MTMR2: variants seen among roughly 807,000 people sequenced by gnomAD.
The protein encoded by MTMR2 is phosphatidylinositol-3,5-bisphosphate 3-phosphatase MTMR2.
MTMR2 carries 55 observed loss-of-function variants against 86.9 expected under a neutral mutation model. The ratio of observed to expected loss-of-function variants is 0.63; its 90% confidence interval spans 0.51 to 0.79. MTMR2 has a LOEUF of 0.79. Ranked by LOEUF, MTMR2 falls within the 30% of genes least tolerant of loss-of-function variation. The probability of loss-of-function intolerance (pLI) is 0.00; values close to 1 mark genes in which losing one functional copy is unlikely to be tolerated. For synonymous variants in MTMR2, 241 were observed against 266.8 expected (o/e 0.90, Z 0.94); for missense variants, 659 against 772.3 (o/e 0.85, Z 1.74).
At chr11:95,841,850 C>G in intron 11 of MTMR2, 141 bp from the exon 12 acceptor site, 1 of 701,836 alleles carries the variant, frequency 1.4e-6, no homozygotes, top group South Asian at 1.5e-5. Context: ...AATCCCAACA[C>G]TTTGGGAGGC....
chr11:95,906,180 G>A (rs1437176844), intron 1 of MTMR2, among the ~76,000 whole-genome samples: 1 of 152,176 alleles, frequency 6.6e-6, no homozygotes, highest in Admixed American at 6.5e-5. Flanking sequence ...AGCCGAGATA[G>A]TGCCATTACA....
intron 7 of MTMR2, among the ~76,000 whole-genome samples, chr11:95,853,552 C>G (rs556942094): frequency 2.0e-3 from 303 of 152,292 alleles, no homozygotes; most frequent in African/African-American, 6.8e-3. Context: ...CCAGATCTCT[C>G]CCTTGCCACT....
chr11:95,865,751 A>C, intron 2 of MTMR2, 75 bp from the exon 3 acceptor site: 1 of 1,203,018 alleles, frequency 8.3e-7, no homozygotes, highest in Non-Finnish European at 1.2e-6. Context: ...TCAACTGAGT[A>C]TACTTGCTCT....
At chr11:95,880,939 C>G (rs1052622485) in intron 2 of MTMR2, among the ~76,000 whole-genome samples, 5 of 152,018 alleles carry the variant, frequency 3.3e-5, no homozygotes, top group African/African-American at 4.8e-5. Flanking sequence ...TAAATTTTAG[C>G]ACAATCAAAA....
At chr11:95,875,169 T>G (rs1865057110) in intron 2 of MTMR2, among the ~76,000 whole-genome samples, 1 of 152,230 alleles carries the variant, frequency 6.6e-6, no homozygotes. Flanking sequence ...GAAGTTCTCC[T>G]GGATAATATC....
intron 1 of MTMR2, among the ~76,000 whole-genome samples, chr11:95,899,280 A>G (rs1034784828): frequency 2.0e-5 from 3 of 152,286 alleles, no homozygotes; most frequent in East Asian, 3.9e-4. Context: ...GGGAGAAGGA[A>G]GACTCAAAAT....
At chr11:95,858,382 CT>C (rs1773510568) in intron 6 of MTMR2, 148 bp downstream of exon 6, 1 of 646,572 alleles carries the variant, frequency 1.5e-6, no homozygotes, top group African/African-American at 1.8e-5. Flanking sequence ...AGAAATTGAT[CT>C]AAGAGACTAA....
chr11:95,836,948 A>T (rs963190201), intron 13 of MTMR2, among the ~76,000 whole-genome samples: 11 of 151,986 alleles, frequency 7.2e-5, no homozygotes, highest in African/African-American at 2.4e-4. Context: ...TATACTAAAA[A>T]CCAGTCAACT....
At chr11:95,860,617 TTGGCAC>T (rs1472182310) in intron 5 of MTMR2, among the ~76,000 whole-genome samples, 2 of 152,234 alleles carry the variant, frequency 1.3e-5, no homozygotes, top group Non-Finnish European at 2.9e-5. Flanking sequence ...GCTGTTTCTT[TTGGCAC>T]TGGCAGAATA....
chr11:95,835,972 C>A (rs1863254155), intron 14 of MTMR2, among the ~76,000 whole-genome samples, 176 bp downstream of exon 14: 1 of 151,964 alleles, frequency 6.6e-6, no homozygotes, highest in African/African-American at 2.4e-5. Flanking sequence ...TCCTAAGAAC[C>A]AGGTATACTG....
Position 95,923,869 on chromosome 11 carries a change from G to C in MTMR2, c.80+6C>G. 2.0e-6 allele frequency: 3 copies of C among 1,535,864 alleles called. No individual in the cohort carries two copies. Among genetic ancestry groups the C allele is most frequent in the Non-Finnish European group, 2.6e-6 (3 of 1,135,510 alleles). ...CGCTGGGCGGGGCCCTGGGCGTCCT[G>C]GTTACCTGGACAAGGAGTCCACGCT... On this transcript the variant is annotated splice_donor_region_variant and intron_variant, in intron 1 of 14. Transcript: ENST00000346299.
At chr11:95,871,234 A>G (rs1190427429) in intron 2 of MTMR2, among the ~76,000 whole-genome samples, 1 of 152,140 alleles carries the variant, frequency 6.6e-6, no homozygotes, top group Admixed American at 6.6e-5. Context: ...GTGATTTATA[A>G]TCCCTTGGGT....
rs1864587925 is a variant in MTMR2 at position 95,865,679 on chromosome 11, G to A, written c.187-3C>T. ...AACTTGTTAGACTCCCTCAGGACCTGGGGTGGGAAAGACAAAAAAAGAAAC... is the reference window on the plus strand; with the variant it reads ...AACTTGTTAGACTCCCTCAGGACCTAGGGTGGGAAAGACAAAAAAAGAAAC... On this transcript the variant is annotated splice_polypyrimidine_tract_variant and splice_region_variant and intron_variant, in intron 2 of 14. Coordinates refer to ENST00000346299, the MANE Select transcript of MTMR2 (RefSeq NM_016156.6). 6.3e-7 allele frequency: 1 copy of A among 1,591,408 alleles called. No individual in the cohort carries two copies. The highest frequency in any genetic ancestry group is 1.7e-5 in the Admixed American group (1 of 59,794).
intron 1 of MTMR2, among the ~76,000 whole-genome samples, chr11:95,891,293 A>C (rs1405395396): frequency 6.6e-6 from 1 of 152,162 alleles, no homozygotes; most frequent in Non-Finnish European, 1.5e-5. Flanking sequence ...TCTACTAAAA[A>C]TACAAAAATT....
chr11:95,848,035 C>A, intron 9 of MTMR2, 136 bp from the exon 10 acceptor site: 2 of 811,314 alleles, frequency 2.5e-6, no homozygotes, highest in Non-Finnish European at 4.1e-6. Flanking sequence ...ATGTGGATGG[C>A]TCAGGACAAC....
At chr11:95,835,577 CAG>C in intron 14 of MTMR2, 126 bp from the exon 15 acceptor site, 1 of 934,976 alleles carries the variant, frequency 1.1e-6, no homozygotes, top group Non-Finnish European at 1.7e-6. Context: ...TCCAACCCAT[CAG>C]TGAAATTAAA....
At chr11:95,877,208 C>T (rs1423847015) in intron 2 of MTMR2, among the ~76,000 whole-genome samples, 5 of 152,122 alleles carry the variant, frequency 3.3e-5, no homozygotes, top group Non-Finnish European at 7.4e-5. Flanking sequence ...TGACAAGCCA[C>T]GAAGTGGCCA....
intron 14 of MTMR2, 141 bp downstream of exon 14, chr11:95,836,007 T>C: frequency 2.3e-6 from 2 of 871,878 alleles, no homozygotes; most frequent in Admixed American, 1.7e-5. Context: ...GTGTAGTATT[T>C]TTCTACTATA....
At chr11:95,849,533 C>T in intron 9 of MTMR2, 141 bp downstream of exon 9, 1 of 769,352 alleles carries the variant, frequency 1.3e-6, no homozygotes, top group East Asian at 2.5e-5. Flanking sequence ...AACTCAAAAT[C>T]ACACCATCAA....
Sources: allele counts gnomAD v4.1 joint callset (sites outside exome capture counted in the v4.1 genomes callset), GRCh38; gene constraint gnomAD v4.1.1; transcripts MANE v1.5; gene names NCBI Gene and HGNC (gene_info 2026-07-23, HGNC 2026-07-21).